TRAPPC12: variants seen among roughly 807,000 people sequenced by gnomAD.
The protein encoded by TRAPPC12 is TPR repeat protein 15.
In TRAPPC12, 61 loss-of-function variants were observed where a neutral mutation model predicts 69.2. The ratio of observed to expected loss-of-function variants is 0.88; its 90% CI spans 0.72 to 1.09. The LOEUF (loss-of-function observed/expected upper bound fraction) is 1.09. TRAPPC12 is among the 50% of genes least tolerant of loss of function. The probability of loss-of-function intolerance (pLI) is 0.00; values close to 1 mark genes in which losing one functional copy is unlikely to be tolerated. For missense variants in TRAPPC12, 1,101 were observed against 1,016.4 expected (o/e 1.08, Z -1.13); for synonymous variants, 469 against 438.9 (o/e 1.07, Z -0.86).
intron 6 of TRAPPC12, among the ~76,000 whole-genome samples, chr2:3,450,853 G>C (rs1040093124): frequency 1.3e-5 from 2 of 151,912 alleles, no homozygotes; most frequent in Non-Finnish European, 2.9e-5. Flanking sequence ...AATAAAACCA[G>C]TTCCCTAAAC....
At position 3,414,171 on chromosome 2, in the gene TRAPPC12, T is replaced by C. The variant is rs893829321; in HGVS notation, c.1165-7710T>C. 5.9e-5 allele frequency among the ~76,000 whole-genome samples: 9 copies of C among 152,198 alleles called. No homozygotes were observed. Among genetic ancestry groups the C allele is most frequent in the African/African-American group, 2.2e-4 (9 of 41,426 alleles). Reference sequence around the variant, plus strand: ...AAATGGTTTCAAAGGATATAATTAATTTTTAGCACATAGTATGTTGCATAT... The same window carrying C: ...AAATGGTTTCAAAGGATATAATTAACTTTTAGCACATAGTATGTTGCATAT... On this transcript the variant is annotated intron_variant, in intron 3 of 11. Coordinates refer to ENST00000324266, the MANE Select transcript of TRAPPC12 (RefSeq NM_016030.6). This position sits in a 1 kb window ranked among gnomAD's most constrained non-coding sequence, Gnocchi z 4.9.
At chr2:3,459,195 T>TGA (rs1367711973) in intron 7 of TRAPPC12, among the ~76,000 whole-genome samples, 1 of 152,206 alleles carries the variant, frequency 6.6e-6, no homozygotes, top group Admixed American at 6.5e-5. Context: ...TGCCCAGCGA[T>TGA]GAGGGAGGCC....
At chr2:3,463,067 T>C (rs1483437283) in intron 8 of TRAPPC12, 4 of 423,954 alleles carry the variant, frequency 9.4e-6, no homozygotes, top group South Asian at 5.2e-5. Flanking sequence ...GACTTGTCCC[T>C]GGAAGTAAGT....
intron 2 of TRAPPC12, 39 bp downstream of exon 2, chr2:3,388,709 T>C: frequency 6.7e-7 from 1 of 1,487,024 alleles, no homozygotes; most frequent in Non-Finnish European, 9.0e-7. Flanking sequence ...CCGTGCCTCC[T>C]CTCTGCGTCT....
At chr2:3,479,070 AG>A in intron 11 of TRAPPC12, 137 bp downstream of exon 11, 1 of 1,485,912 alleles carries the variant, frequency 6.7e-7, no homozygotes, top group Non-Finnish European at 9.1e-7. Context: ...TGTGGCCCTT[AG>A]GGGAAGTGAC....
At chr2:3,412,316 T>A (rs545279299) in intron 3 of TRAPPC12, among the ~76,000 whole-genome samples, 6 of 152,134 alleles carry the variant, frequency 3.9e-5, no homozygotes, top group Admixed American at 1.3e-4. Context: ...ATCCCAGCAC[T>A]TTGGGAGGCC....
rs142960119 is a variant in TRAPPC12 at position 3,457,676 on chromosome 2, C to T, written c.1586C>T (p.Thr529Ile). 72 of 1,611,432 alleles carry T rather than the reference C, an allele frequency of 4.5e-5. No homozygotes were observed. In the African/African-American group the frequency reaches 9.5e-4, roughly 21 times the overall value. The change falls in exon 7 of 12, where the codon ACT (threonine) becomes ATT (isoleucine). Residue 529 changes from threonine to isoleucine, a missense_variant. By Grantham distance (89) the Thr-to-Ile change is moderately conservative. Coordinates refer to ENST00000324266, the MANE Select transcript of TRAPPC12 (RefSeq NM_016030.6). Reference sequence around the variant, plus strand: ...GAAGACGGCGGCATGAGCAGCGTGACTCAGGAGGGCAGACAAGGTGGGTCG... The same window carrying T: ...GAAGACGGCGGCATGAGCAGCGTGATTCAGGAGGGCAGACAAGGTGGGTCG... ...LAEDGGMSSV[T>I]QEGRQASIRL... is the part of the protein sequence containing the mutation.
intron 3 of TRAPPC12, among the ~76,000 whole-genome samples, chr2:3,408,240 G>A (rs73145235): frequency 0.026 from 3,971 of 152,302 alleles, 165 homozygotes; most frequent in African/African-American, 0.09. Flanking sequence ...GGAGGGAAGC[G>A]GACAAGCCTA....
chr2:3,425,801 T>C (rs1479609139), intron 5 of TRAPPC12, among the ~76,000 whole-genome samples: 1 of 152,192 alleles, frequency 6.6e-6, no homozygotes, highest in African/African-American at 2.4e-5. Context: ...TGATTAATAA[T>C]AAAATAATAA....
chr2:3,441,654 T>C (rs1326361880), intron 5 of TRAPPC12, among the ~76,000 whole-genome samples: 1 of 146,160 alleles, frequency 6.8e-6, no homozygotes. Context: ...AATACAATAA[T>C]ATTTTTATTA....
chr2:3,479,118 C>T (rs182774744), intron 11 of TRAPPC12, 101 bp from the exon 12 acceptor site: 2 of 1,551,600 alleles, frequency 1.3e-6, no homozygotes, highest in Non-Finnish European at 1.7e-6. Context: ...AGCAGCTCTG[C>T]ACCACCCCCA....
At position 3,465,627 on chromosome 2, in the gene TRAPPC12, T is replaced by C. The variant is rs1665771737; in HGVS notation, c.1708T>C (p.Ser570Pro). The C allele has an allele frequency of 6.2e-7, 1 of 1,614,064 alleles. No individual in the cohort carries two copies. Among genetic ancestry groups the C allele is most frequent in the African/African-American group, 1.3e-5 (1 of 74,938 alleles). ...DYVLAVEAYH[S>P]VIKYYPEQEP... ...TGTGCTGGCCGTGGAGGCGTATCAT[T>C]CGGTTATCAAGTATTACCCAGAGCA... The change falls in exon 9 of 12, where the codon TCG becomes CCG. Residue 570 changes from serine to proline, a missense_variant. Physicochemically the swap from Ser to Pro is moderately conservative, Grantham distance 74. Transcript: ENST00000324266.
chr2:3,468,794 A>G (rs1308979803), intron 9 of TRAPPC12, among the ~76,000 whole-genome samples: 1 of 151,950 alleles, frequency 6.6e-6, no homozygotes, highest in Non-Finnish European at 1.5e-5. Context: ...GGACACTCAC[A>G]CCCCACGCGC....
intron 7 of TRAPPC12, chr2:3,460,049 G>T (rs1340137229): frequency 6.3e-6 from 4 of 633,066 alleles, no homozygotes; most frequent in African/African-American, 5.5e-5. Context: ...GATGCCGAGG[G>T]TCTCTTCCCA....
intron 6 of TRAPPC12, among the ~76,000 whole-genome samples, chr2:3,451,514 T>C (rs78657034): frequency 0.02 from 3,006 of 152,286 alleles, 103 homozygotes; most frequent in African/African-American, 0.069. Flanking sequence ...TTCAGAATTT[T>C]CTTTTTTTTT....
chr2:3,418,929 C>T (rs1355823891), intron 3 of TRAPPC12, among the ~76,000 whole-genome samples: 1 of 152,188 alleles, frequency 6.6e-6, no homozygotes, highest in African/African-American at 2.4e-5. Context: ...TCCTCACCTG[C>T]TTCCCCAGCC....
At chr2:3,418,038 C>CAAA (rs1158063900) in intron 3 of TRAPPC12, among the ~76,000 whole-genome samples, 957 of 69,112 alleles carry the variant, frequency 0.014, 2 homozygotes, top group African/African-American at 0.048. Flanking sequence ...GACTCTGTCT[C>CAAA]AAAAAAAAAA....
chr2:3,432,980 TTAAA>T (rs1663521747), intron 5 of TRAPPC12, among the ~76,000 whole-genome samples: 1 of 152,238 alleles, frequency 6.6e-6, no homozygotes, highest in South Asian at 2.1e-4. Context: ...AGCAAATCAT[TTAAA>T]TAAGAAATAT....
chr2:3,425,895 G>A (rs902201764), intron 5 of TRAPPC12, among the ~76,000 whole-genome samples: 1 of 152,180 alleles, frequency 6.6e-6, no homozygotes, highest in African/African-American at 2.4e-5. Flanking sequence ...AACTAAAAAG[G>A]CTAGAAGTAA....
Sources: gnomAD v4.1 joint callset for allele counts (sites outside exome capture counted in the v4.1 genomes callset) on GRCh38, gnomAD v4.1.1 for gene constraint, Gnocchi (gnomAD v3.1) non-coding constraint, MANE v1.5 for transcripts, NCBI Gene and HGNC (gene_info 2026-07-23, HGNC 2026-07-21) for gene names.